The following SH2B3 variants were observed in gnomAD, a reference collection of about 807,000 sequenced individuals.
SH2B3 encodes SH2B adaptor protein 3, also known as SH2B adapter protein 3.
Under a neutral mutation model 51.9 loss-of-function variants are expected in SH2B3, and 43 were observed. The ratio of observed to expected loss-of-function variants is 0.83; its 90% CI spans 0.65 to 1.07. The LOEUF is 1.07. SH2B3 is among the 50% of genes least tolerant of loss of function. The pLI is 0.00. For missense variants in SH2B3, 952 were observed against 834.3 expected, an observed-to-expected ratio of 1.14 and a Z score of -1.74; for synonymous variants, 396 against 376.0, an observed-to-expected ratio of 1.05 and a Z score of -0.62.
chr12:111,405,458 T>C (rs1056948154), upstream of SH2B3, among the ~76,000 whole-genome samples: 5 of 152,192 alleles, frequency 3.3e-5, no homozygotes, highest in Non-Finnish European at 7.4e-5. This position sits in a 1 kb window ranked among gnomAD's most constrained non-coding sequence, Gnocchi z 5.4. Context: ...GATAAGGCCC[T>C]GCAGGAGGGA....
At chr12:111,422,653 T>C (rs1468101441) in intron 2 of SH2B3, among the ~76,000 whole-genome samples, 3 of 151,428 alleles carry the variant, frequency 2.0e-5, no homozygotes, top group African/African-American at 4.9e-5. Context: ...CTCTGCCTCC[T>C]GGGTTCAAGT....
rs757818145 is a variant in SH2B3, at chr12:111,436,000, G to A, written c.733-10753G>A. 2.0e-5 allele frequency among the ~76,000 whole-genome samples: 3 copies of A among 152,270 alleles called. No individual in the cohort carries two copies. The highest frequency in any genetic ancestry group is 2.1e-4 in the South Asian group (1 of 4,816). ...CCTGCCGTGTATGGAGCTGAGTGCC[G>A]CCCAGAGATGCCATCTTGTCCTCAG... On this transcript the variant is annotated intron_variant, in intron 2 of 7. Transcript: ENST00000341259. This position sits in a 1 kb window ranked among gnomAD's most constrained non-coding sequence, Gnocchi z 4.8.
intron 2 of SH2B3, chr12:111,444,859 G>A (rs533855751): frequency 2.0e-6 from 2 of 985,708 alleles, no homozygotes; most frequent in South Asian, 9.4e-5. Context: ...ATACCACCAG[G>A]TAGCTGTGGC....
In SH2B3 at chr12:111,418,776, A is replaced by T. The variant is rs778186029; in HGVS notation, c.631A>T (p.Met211Leu). The T allele has an allele frequency of 7.5e-6, 11 of 1,475,412 alleles. No homozygotes were observed. The highest frequency in any genetic ancestry group is 9.8e-6 in the Non-Finnish European group (11 of 1,121,940). 91.4% of individuals were successfully genotyped at this position (1,475,412 alleles called of 1,614,324 possible). ...LRYSLADEAS[M>L]DSGARWQRGR... Reference sequence around the variant, plus strand: ...CTACAGCCTGGCCGACGAGGCCTCCATGGACAGCGGGGCACGCTGGCAGCG... The same window carrying T: ...CTACAGCCTGGCCGACGAGGCCTCCTTGGACAGCGGGGCACGCTGGCAGCG... Residue 211 changes from methionine to leucine, a missense_variant, in exon 2 of 8, where the codon ATG becomes TTG. By Grantham distance (15) the Met-to-Leu change is conservative. Coordinates refer to ENST00000341259, the MANE Select transcript of SH2B3 (RefSeq NM_005475.3). This position sits in a 1 kb window ranked among gnomAD's most constrained non-coding sequence, Gnocchi z 6.7.
rs767632596 is a variant in SH2B3 at position 111,409,268 on chromosome 12, G to A, written c.-28+2991G>A. Among the ~76,000 whole-genome samples the A allele has an allele frequency of 6.6e-6, 1 of 152,190 alleles. No individual in the cohort carries two copies. Among genetic ancestry groups the A allele is most frequent in the Non-Finnish European group, 1.5e-5 (1 of 68,032 alleles). On this transcript the variant is annotated intron_variant, in intron 1 of 7. Coordinates refer to ENST00000341259, the MANE Select transcript of SH2B3 (RefSeq NM_005475.3). This position sits in a 1 kb window ranked among gnomAD's most constrained non-coding sequence, Gnocchi z 4.0. ...GGTCTTTTTGTCTATGAAATAGGGG[G>A]GTTGCCAACTCCCTGTTAGGGTGGT...
chr12:111,436,570 A>AGG (rs1238607773), intron 2 of SH2B3, among the ~76,000 whole-genome samples: 2 of 151,748 alleles, frequency 1.3e-5, no homozygotes, highest in Admixed American at 1.3e-4. Flanking sequence ...ATATCTGAGG[A>AGG]GGGGACCATG....
intron 2 of SH2B3, among the ~76,000 whole-genome samples, chr12:111,442,890 G>A (rs975284607): frequency 2.6e-5 from 4 of 152,294 alleles, no homozygotes; most frequent in South Asian, 2.1e-4. Context: ...GCCCTGCCCC[G>A]ACTTGCCTGT....
Position 111,418,770 on chromosome 12 carries a change from G to T in SH2B3, c.625G>T (p.Ala209Ser). The change falls in exon 2 of 8, where the codon GCC becomes TCC. Residue 209 changes from alanine to serine, a missense_variant. By Grantham distance (99) the Ala-to-Ser change is moderately conservative (BLOSUM62 1). Transcript: ENST00000341259. The surrounding 1 kb of genome is among the most constrained non-coding windows in gnomAD (Gnocchi z 6.7). The stretch of plus-strand genomic sequence containing the variant: ...GCTGCGCTACAGCCTGGCCGACGAG[G>T]CCTCCATGGACAGCGGGGCACGCTG... ...AVLRYSLADEASMDSGARWQR... is the reference protein window; with the variant it reads ...AVLRYSLADESSMDSGARWQR... 1 of 1,478,540 alleles carries T rather than the reference G, an allele frequency of 6.8e-7. No homozygotes were observed. The highest frequency in any genetic ancestry group is 1.3e-5 in the South Asian group (1 of 78,474). 91.6% of individuals were successfully genotyped at this position (1,478,540 alleles called of 1,614,324 possible). A position where few individuals can be genotyped will look rare whatever the true frequency, so the allele number is the denominator to read the frequency against.
intron 1 of SH2B3, among the ~76,000 whole-genome samples, chr12:111,408,081 A>G (rs909159368): frequency 6.6e-6 from 1 of 152,158 alleles, no homozygotes; most frequent in Non-Finnish European, 1.5e-5. Flanking sequence ...GTTATTGGCT[A>G]TGAGGTGTTC....
chr12:111,411,191 C>T (rs1176725000), intron 1 of SH2B3, among the ~76,000 whole-genome samples: 2 of 147,506 alleles, frequency 1.4e-5, no homozygotes, highest in Admixed American at 1.3e-4. Flanking sequence ...CATAGTGAGA[C>T]CCTGTCTCTA....
At chr12:111,411,689 G>A (rs1870712495) in intron 1 of SH2B3, among the ~76,000 whole-genome samples, 1 of 152,178 alleles carries the variant, frequency 6.6e-6, no homozygotes, top group Non-Finnish European at 1.5e-5. Flanking sequence ...ATAGCCCTTT[G>A]GTGGACCCGG....
Position 111,418,569 on chromosome 12 carries a change from C to G in SH2B3, c.424C>G (p.Leu142Val). 6.8e-7 allele frequency: 1 copy of G among 1,478,494 alleles called. No homozygotes were observed. Among genetic ancestry groups the G allele is most frequent in the South Asian group, 1.2e-5 (1 of 80,136 alleles). The allele number at this position is 1,478,494 out of a possible 1,614,324, so 91.6% of individuals were successfully genotyped here. ...PCSFQHFRRSLRHIFRRRSAG... is the reference protein window; with the variant it reads ...PCSFQHFRRSVRHIFRRRSAG... ...CTCCTTCCAGCACTTTCGCCGCAGC[C>G]TCCGCCACATCTTCCGCCGCCGCTC... Residue 142 changes from leucine to valine, a missense_variant, in exon 2 of 8, where the codon CTC (leucine) becomes GTC (valine). Coordinates refer to ENST00000341259, the MANE Select transcript of SH2B3 (RefSeq NM_005475.3). The surrounding 1 kb of genome is among the most constrained non-coding windows in gnomAD (Gnocchi z 6.7).
rs1003428127 is a variant in SH2B3, at chr12:111,407,747, C to T, written c.-28+1470C>T. ...TTGTGAGTCCCTGTGGGCCACAGAG[C>T]GGCCAGCTGGGAAGGGGCTGGCTCA... On this transcript the variant is annotated intron_variant, in intron 1 of 7. Coordinates refer to ENST00000341259, the MANE Select transcript of SH2B3 (RefSeq NM_005475.3). This position sits in a 1 kb window ranked among gnomAD's most constrained non-coding sequence, Gnocchi z 4.3. Among the ~76,000 whole-genome samples the T allele has an allele frequency of 9.2e-5, 14 of 152,226 alleles. No homozygotes were observed. The highest frequency in any genetic ancestry group is 3.1e-4 in the African/African-American group (13 of 41,538).
At chr12:111,425,121 G>A (rs949327212) in intron 2 of SH2B3, among the ~76,000 whole-genome samples, 2 of 152,172 alleles carry the variant, frequency 1.3e-5, no homozygotes, top group Non-Finnish European at 2.9e-5. Context: ...CTCTGCCCCC[G>A]ACCTGCTGTG....
At chr12:111,434,882 C>T (rs948202531) in intron 2 of SH2B3, 28 of 1,535,410 alleles carry the variant, frequency 1.8e-5, no homozygotes, top group East Asian at 7.3e-5. Context: ...GAGTCCGTGC[C>T]GGGTGGAGCT....
At chr12:111,405,208 C>T (rs978662321), upstream of SH2B3, among the ~76,000 whole-genome samples, 3 of 152,242 alleles carry the variant, frequency 2.0e-5, no homozygotes, top group Admixed American at 2.0e-4. The surrounding 1 kb of genome is among the most constrained non-coding windows in gnomAD (Gnocchi z 5.4). Context: ...GAGAAAGATG[C>T]ACCCCTCCTA....
At chr12:111,437,376 C>T (rs928651342) in intron 2 of SH2B3, among the ~76,000 whole-genome samples, 5 of 152,196 alleles carry the variant, frequency 3.3e-5, no homozygotes, top group African/African-American at 9.7e-5. Context: ...CTTTCCTCCT[C>T]CCCTGTGGGG....
chr12:111,420,367 C>CAAAAAAA (rs59301682), intron 2 of SH2B3, among the ~76,000 whole-genome samples: 2 of 64,472 alleles, frequency 3.1e-5, no homozygotes, highest in African/African-American at 5.7e-5. Context: ...GACCCTGTCT[C>CAAAAAAA]AAAAAAAAAA....
At chr12:111,413,251 T>C (rs1391941352) in intron 1 of SH2B3, among the ~76,000 whole-genome samples, 1 of 152,194 alleles carries the variant, frequency 6.6e-6, no homozygotes, top group East Asian at 1.9e-4. Flanking sequence ...ATGCCTGATA[T>C]GATCTTGGCA....
Sources: gnomAD v4.1 joint callset for allele counts (sites outside exome capture counted in the v4.1 genomes callset) on GRCh38, gnomAD v4.1.1 for gene constraint, Gnocchi (gnomAD v3.1) non-coding constraint, MANE v1.5 for transcripts, NCBI Gene and HGNC (gene_info 2026-07-23, HGNC 2026-07-21) for gene names.